The following RFX3 variants were observed in gnomAD, a reference collection of about 807,000 sequenced individuals.
RFX3 encodes the protein regulatory factor X3, also known as transcription factor RFX3.
A neutral mutation model predicts 98.6 loss-of-function variants in RFX3; 14 were observed. That is an observed-to-expected ratio of 0.14 (90% CI 0.09 to 0.22). RFX3 has a LOEUF of 0.22. Among genes scored for constraint, RFX3 ranks in the 10% least tolerant of loss-of-function variants. The probability of loss-of-function intolerance (pLI) is 1.00; values close to 1 mark genes in which losing one functional copy is unlikely to be tolerated. For synonymous variants in RFX3, 383 were observed against 328.4 expected (o/e 1.17, Z -1.80); for missense variants, 639 against 926.9 (o/e 0.69, Z 4.03).
intron 1 of RFX3, among the ~76,000 whole-genome samples, chr9:3,437,738 C>A (rs894829052): frequency 1.3e-5 from 2 of 151,976 alleles, no homozygotes; most frequent in African/African-American, 4.8e-5. Flanking sequence ...CTGCAGTATT[C>A]AAGCCCAACC....
At chr9:3,320,768 C>CATATATATATATAT in intron 4 of RFX3, among the ~76,000 whole-genome samples, 1 of 85,900 alleles carries the variant, frequency 1.2e-5, no homozygotes, top group Non-Finnish European at 2.4e-5. Flanking sequence ...TGCTACATAG[C>CATATATATATATAT]ATATATATAT....
intron 1 of RFX3, among the ~76,000 whole-genome samples, chr9:3,525,163 C>T (rs866107682): frequency 9.9e-5 from 15 of 151,914 alleles, no homozygotes; most frequent in African/African-American, 2.7e-4. Context: ...AGGGAATGGG[C>T]GGTGGGAAAA....
At chr9:3,329,407 CAAAAAAA>C (rs1202028884) in intron 4 of RFX3, among the ~76,000 whole-genome samples, 2 of 38,166 alleles carry the variant, frequency 5.2e-5, no homozygotes, top group African/African-American at 1.3e-4. Context: ...GACTTCATCT[CAAAAAAA>C]AAAAAAAAAA....
intron 1 of RFX3, among the ~76,000 whole-genome samples, chr9:3,504,042 GAATTT>G (rs1816346296): frequency 6.7e-6 from 1 of 149,822 alleles, no homozygotes; most frequent in Non-Finnish European, 1.5e-5. Context: ...TGGACTTCAA[GAATTT>G]AATTTTGAAA....
At chr9:3,290,496 G>A (rs1400049418) in intron 6 of RFX3, among the ~76,000 whole-genome samples, 1 of 152,002 alleles carries the variant, frequency 6.6e-6, no homozygotes, top group Admixed American at 6.6e-5. Context: ...TCAAAATATT[G>A]GCACGGTATG....
chr9:3,330,611 G>A, intron 3 of RFX3, 94 bp from the exon 4 acceptor site: 1 of 1,210,636 alleles, frequency 8.3e-7, no homozygotes, highest in Non-Finnish European at 1.1e-6. Context: ...TATATTGGTT[G>A]GCTTAGCCTT....
intron 1 of RFX3, among the ~76,000 whole-genome samples, chr9:3,456,463 T>G (rs1360027356): frequency 6.6e-6 from 1 of 152,196 alleles, no homozygotes; most frequent in East Asian, 1.9e-4. Flanking sequence ...ACTATTAGCT[T>G]TTGCTCCCAG....
intron 1 of RFX3, among the ~76,000 whole-genome samples, chr9:3,504,927 TTA>T (rs1255702319): frequency 2.4e-4 from 18 of 73,574 alleles, no homozygotes; most frequent in East Asian, 4.5e-4. Flanking sequence ...ATAACATATA[TTA>T]TATATAATAT....
intron 11 of RFX3, among the ~76,000 whole-genome samples, chr9:3,268,538 G>C (rs982716240): frequency 6.6e-6 from 1 of 151,590 alleles, no homozygotes; most frequent in African/African-American, 2.4e-5. Flanking sequence ...TTGTAGAATG[G>C]GAATTAAATT....
At chr9:3,310,956 C>T (rs1031744308) in intron 4 of RFX3, among the ~76,000 whole-genome samples, 13 of 151,876 alleles carry the variant, frequency 8.6e-5, no homozygotes, top group Admixed American at 5.9e-4. Context: ...TAAATATGAT[C>T]GATAAACGTT....
At chr9:3,480,423 G>A (rs1161686910) in intron 1 of RFX3, among the ~76,000 whole-genome samples, 1 of 152,182 alleles carries the variant, frequency 6.6e-6, no homozygotes, top group African/African-American at 2.4e-5. Flanking sequence ...CCCAGACCTG[G>A]AAGAGCTTTA....
intron 1 of RFX3, among the ~76,000 whole-genome samples, chr9:3,433,917 C>T (rs1371648997): frequency 6.6e-6 from 1 of 152,090 alleles, no homozygotes; most frequent in Non-Finnish European, 1.5e-5. Flanking sequence ...GCATGGCTGT[C>T]CCAATAAAAC....
chr9:3,522,823 A>AT (rs1313615691), intron 1 of RFX3, among the ~76,000 whole-genome samples: 1 of 152,196 alleles, frequency 6.6e-6, no homozygotes, highest in Non-Finnish European at 1.5e-5. Context: ...AGATTCATTC[A>AT]TTTTTTAATT....
chr9:3,246,641 C>G (rs1261157265), intron 15 of RFX3, among the ~76,000 whole-genome samples: 1 of 152,120 alleles, frequency 6.6e-6, no homozygotes, highest in African/African-American at 2.4e-5. Context: ...AGTACTGAGT[C>G]CACGTGCTAC....
chr9:3,504,983 T>A (rs1378165191), intron 1 of RFX3, among the ~76,000 whole-genome samples: 1 of 39,444 alleles, frequency 2.5e-5, no homozygotes, highest in Non-Finnish European at 5.1e-5. Context: ...TTATATAATA[T>A]ATATGTTATA....
chr9:3,247,384 G>C, intron 15 of RFX3: 4 of 938,962 alleles, frequency 4.3e-6, no homozygotes, highest in Non-Finnish European at 5.1e-6. Flanking sequence ...GACTGTGTTT[G>C]AAAAAAAAAT....
chr9:3,389,364 A>G (rs1430462857), intron 2 of RFX3, among the ~76,000 whole-genome samples: 3 of 152,174 alleles, frequency 2.0e-5, no homozygotes, highest in Non-Finnish European at 4.4e-5. Context: ...GTCATATTCT[A>G]TAGAGACCCA....
intron 12 of RFX3, 24 bp downstream of exon 12, chr9:3,266,184 A>G (rs746950512): frequency 7.1e-7 from 1 of 1,411,418 alleles, no homozygotes; most frequent in South Asian, 1.2e-5. Flanking sequence ...AACACAAAAG[A>G]AAAAGCAAGG....
At chr9:3,451,364 G>A (rs1245675924) in intron 1 of RFX3, among the ~76,000 whole-genome samples, 1 of 152,056 alleles carries the variant, frequency 6.6e-6, no homozygotes, top group Non-Finnish European at 1.5e-5. Flanking sequence ...TAGGCAACAT[G>A]GTGAAACCCC....
Sources: gnomAD v4.1 joint callset for allele counts (sites outside exome capture counted in the v4.1 genomes callset) on GRCh38, gnomAD v4.1.1 for gene constraint, MANE v1.5 for transcripts, NCBI Gene and HGNC (gene_info 2026-07-23, HGNC 2026-07-21) for gene names.